Variants in BCORL1 observed in about 807,000 individuals in gnomAD.
BCORL1 encodes the protein BCL6 corepressor like 1.
Under a neutral mutation model 87.6 loss-of-function variants are expected in BCORL1, and 7 were observed. The ratio of observed to expected loss-of-function variants is 0.08; its 90% CI spans 0.05 to 0.15. BCORL1 has a LOEUF of 0.15. BCORL1 is among the 10% of genes least tolerant of loss of function. The pLI is 1.00. For missense variants in BCORL1, 1,215 were observed against 1,499.7 expected, an observed-to-expected ratio of 0.81 and a Z score of 3.13; for synonymous variants, 591 against 634.4, an observed-to-expected ratio of 0.93 and a Z score of 1.03.
At chrX:129,999,727 T>A (rs755578317) in intron 1 of BCORL1, among the ~76,000 whole-genome samples, 1 of 104,526 alleles carries the variant, frequency 9.6e-6, no homozygotes, top group Non-Finnish European at 2.0e-5. Flanking sequence ...TAGGCTGGAG[T>A]GCAGTGGTGC....
At chrX:129,991,855 G>A (rs1218015355) in intron 1 of BCORL1, among the ~76,000 whole-genome samples, 7 of 100,133 alleles carry the variant, frequency 7.0e-5, no homozygotes, top group African/African-American at 1.8e-4. Flanking sequence ...TAGTAGAGAC[G>A]GGGTTTCACC....
chrX:130,050,152 C>T (rs776017217), intron 11 of BCORL1, among the ~76,000 whole-genome samples: 1 of 110,892 alleles, frequency 9.0e-6, no homozygotes, highest in South Asian at 3.8e-4. Flanking sequence ...GGAAGTGGGG[C>T]CAGGCAGGGT....
intron 11 of BCORL1, among the ~76,000 whole-genome samples, chrX:130,041,303 GAC>G (rs1464976466): frequency 0.056 from 5,422 of 96,371 alleles, 635 homozygotes; most frequent in African/African-American, 0.22. Flanking sequence ...AAAAAAAAGA[GAC>G]AGAGAGGAGA....
chrX:130,006,822 G>A (rs761818631), intron 2 of BCORL1, among the ~76,000 whole-genome samples: 201 of 111,165 alleles, frequency 1.8e-3, no homozygotes, highest in African/African-American at 6.2e-3. Context: ...CACTCACCTC[G>A]GCCTCCCAAA....
At chrX:130,011,272 C>T in intron 2 of BCORL1, among the ~76,000 whole-genome samples, 1 of 110,097 alleles carries the variant, frequency 9.1e-6, no homozygotes, top group South Asian at 3.9e-4. Flanking sequence ...GGGTCTCACT[C>T]TGTCGCCCAG....
At chrX:130,004,077 GC>G (rs765525184) in intron 1 of BCORL1, among the ~76,000 whole-genome samples, 2 of 110,930 alleles carry the variant, frequency 1.8e-5, no homozygotes, top group South Asian at 7.7e-4. Context: ...GGGTCTCAAG[GC>G]AAGCTCATTG....
intron 11 of BCORL1, among the ~76,000 whole-genome samples, chrX:130,048,666 A>T (rs1931897540): frequency 1.8e-5 from 2 of 112,475 alleles, no homozygotes; most frequent in South Asian, 7.3e-4. Context: ...TCAAATACAT[A>T]GAACCCAAAG....
intron 5 of BCORL1, among the ~76,000 whole-genome samples, chrX:130,022,102 C>G (rs541367548): frequency 9.0e-6 from 1 of 110,806 alleles, no homozygotes; most frequent in Non-Finnish European, 1.9e-5. Context: ...TGTTCTTAGC[C>G]GTTTTTTCTC....
At chrX:129,981,987 C>G (rs1046501926), upstream of BCORL1, among the ~76,000 whole-genome samples, 2 of 108,062 alleles carry the variant, frequency 1.9e-5, no homozygotes, top group African/African-American at 6.8e-5. Context: ...CTCCCTCAGG[C>G]CCCTGGGAGA....
Position 129,988,882 on chromosome X carries a change from T to G in BCORL1, c.-45+6120T>G, listed in dbSNP as rs180783753. ...TGCTTTTCCAAGTTTTGTGGAGAAGTGCACCGTATATGACTATGATCGCAG... is the reference window on the plus strand; with the variant it reads ...TGCTTTTCCAAGTTTTGTGGAGAAGGGCACCGTATATGACTATGATCGCAG... On this transcript the variant is annotated intron_variant, in intron 1 of 13. Transcript: ENST00000540052. Among the ~76,000 whole-genome samples the G allele has an allele frequency of 5.2e-4, 58 of 111,871 alleles. 1 individual carries two copies. Among genetic ancestry groups the G allele is most frequent in the Admixed American group, 3.1e-3 (33 of 10,500 alleles).
At chrX:130,044,479 G>T (rs1476891737) in intron 11 of BCORL1, among the ~76,000 whole-genome samples, 1 of 110,137 alleles carries the variant, frequency 9.1e-6, no homozygotes, top group South Asian at 3.9e-4. Flanking sequence ...GAAAGTTGTC[G>T]GGGGAATCAA....
At position 130,053,539 on chromosome X, in the gene BCORL1, A is replaced by G. The variant is rs142270229; in HGVS notation, c.5075+1523A>G. Among the ~76,000 whole-genome samples the G allele has an allele frequency of 3.5e-3, 387 of 112,018 alleles. 8 individuals carry two copies. In the East Asian group the frequency reaches 0.049, roughly 14 times the overall value. On this transcript the variant is annotated intron_variant, in intron 13 of 13. Transcript: ENST00000540052. ...CAGTAAAAGGACCAGGGTAGTCTGC[A>G]TTAGGTGCAGACAGAACACGGGCCA... is the stretch of plus-strand genomic sequence containing the variant.
At chrX:130,023,143 C>T (rs1250914031) in intron 6 of BCORL1, among the ~76,000 whole-genome samples, 166 bp downstream of exon 6, 1 of 111,570 alleles carries the variant, frequency 9.0e-6, no homozygotes, top group Non-Finnish European at 1.9e-5. Flanking sequence ...TGGGTGGGGG[C>T]AGGGGACAAA....
rs773123828 is a variant in BCORL1 at position 130,013,514 on chromosome X, C to A, written c.742C>A (p.Pro248Thr). Residue 248 changes from proline to threonine, a missense_variant, in exon 4 of 14, where the codon CCT (proline) becomes ACT (threonine). Physicochemically the swap from Pro to Thr is conservative, Grantham distance 38 (BLOSUM62 -1). Transcript: ENST00000540052. ...PVQVATSVPA[P>T]SPPLAPVPAL... ...CCAAGTTGCCACTTCGGTTCCAGCT[C>A]CTTCCCCTCCCTTAGCACCTGTCCC... The A allele has an allele frequency of 8.3e-7, 1 of 1,208,816 alleles. No homozygotes were observed. Among genetic ancestry groups the A allele is most frequent in the Non-Finnish European group, 1.1e-6 (1 of 894,876 alleles).
At chrX:129,993,279 A>T (rs923582219) in intron 1 of BCORL1, among the ~76,000 whole-genome samples, 6 of 112,481 alleles carry the variant, frequency 5.3e-5, no homozygotes, top group Admixed American at 2.8e-4. Context: ...TGTTTTTGTT[A>T]AATGGAGTAA....
chrX:130,003,374 CTT>C (rs59574323), intron 1 of BCORL1, among the ~76,000 whole-genome samples: 8 of 91,473 alleles, frequency 8.7e-5, no homozygotes, highest in Non-Finnish European at 6.5e-5. Flanking sequence ...TCTTCTTCTT[CTT>C]TTTTTTTTTT....
intron 1 of BCORL1, among the ~76,000 whole-genome samples, chrX:130,000,514 A>C (rs957897266): frequency 1.8e-5 from 2 of 112,591 alleles, no homozygotes; most frequent in Admixed American, 1.9e-4. Context: ...GTAAAAAATC[A>C]TGACTCTCGT....
In BCORL1 at chrX:129,983,531, C is replaced by T. The variant is rs753534928; in HGVS notation, c.-45+769C>T. Among the ~76,000 whole-genome samples, 40 of 107,146 alleles carry T rather than the reference C, an allele frequency of 3.7e-4. No individual in the cohort carries two copies. The East Asian group carries it at 0.012, about 31-fold the overall frequency. 93.0% of individuals were successfully genotyped at this position (107,146 alleles called of 115,157 possible). On this transcript the variant is annotated intron_variant, in intron 1 of 13. Transcript: ENST00000540052. ...GGTGCTCTTCAGGGCTGCTTTCTTCCCGGCGCTGGGGTGCGGGAATCGTAG... is the reference window on the plus strand; with the variant it reads ...GGTGCTCTTCAGGGCTGCTTTCTTCTCGGCGCTGGGGTGCGGGAATCGTAG...
rs947186296 is a variant in BCORL1 at position 130,056,260 on chromosome X, C to T, written c.*124C>T. On this transcript the variant is annotated 3_prime_UTR_variant, in exon 14 of 14. Transcript: ENST00000540052. Reference sequence around the variant, plus strand: ...AATAATACGGACCAACAAGAAGCCGCCTTATCAATGCCAGCATTAGCGACT... The same window carrying T: ...AATAATACGGACCAACAAGAAGCCGTCTTATCAATGCCAGCATTAGCGACT... The T allele has an allele frequency of 2.7e-6, 2 of 741,319 alleles. No homozygotes were observed. The highest frequency in any genetic ancestry group is 3.8e-6 in the Non-Finnish European group (2 of 530,345). 61.1% of individuals were successfully genotyped at this position (741,319 alleles called of 1,213,427 possible).
Sources: gnomAD v4.1 joint callset for allele counts (sites outside exome capture counted in the v4.1 genomes callset) on GRCh38, gnomAD v4.1.1 for gene constraint, MANE v1.5 for transcripts, NCBI Gene and HGNC (gene_info 2026-07-23, HGNC 2026-07-21) for gene names.